The following SLC3A1 variants were observed in gnomAD, a reference collection of about 807,000 sequenced individuals.
The protein encoded by SLC3A1 is solute carrier family 3 member 1.
In SLC3A1, 78 loss-of-function variants were observed where a neutral mutation model predicts 60.3. The ratio of observed to expected loss-of-function variants is 1.29; its 90% CI spans 1.08 to 1.56. The LOEUF is 1.56. SLC3A1 is among the 40% of genes most tolerant of loss of function. The pLI is 0.00. For missense variants in SLC3A1, 1,172 were observed against 858.9 expected (o/e 1.36, Z -4.56); for synonymous variants, 392 against 307.9 (o/e 1.27, Z -2.86).
chr2:44,303,852 T>C lies in SLC3A1; in HGVS notation c.1137-291T>C, dbSNP rs562674352. On this transcript the variant is annotated intron_variant, in intron 6 of 9. Coordinates refer to ENST00000260649, the MANE Select transcript of SLC3A1 (RefSeq NM_000341.4). ...GGTGTTTGGTTTTCTGTCCTTGTGA[T>C]AGTTTGCTTAGAATGATGGTTTCCA... The C allele has an allele frequency of 1.8e-5, 10 of 557,054 alleles. 1 individual carries two copies. The highest frequency in any genetic ancestry group is 1.0e-4 in the South Asian group (5 of 48,116). 34.5% of individuals were successfully genotyped at this position (557,054 alleles called of 1,614,324 possible).
chr2:44,311,499 A>G (rs915029710), intron 7 of SLC3A1, among the ~76,000 whole-genome samples: 1 of 152,092 alleles, frequency 6.6e-6, no homozygotes, highest in Non-Finnish European at 1.5e-5. Context: ...TAGTATGACA[A>G]TTCTGGAAAT....
chr2:44,292,725 A>T (rs1215464068), intron 4 of SLC3A1, among the ~76,000 whole-genome samples: 2 of 152,092 alleles, frequency 1.3e-5, no homozygotes, highest in Non-Finnish European at 1.5e-5. Flanking sequence ...GGATCGTGAC[A>T]CATTAGAGGT....
rs1384314364 is a variant in SLC3A1 at position 44,305,433 on chromosome 2, T to C, written c.1332+1095T>C. Among the ~76,000 whole-genome samples the C allele has an allele frequency of 4.0e-5, 6 of 148,992 alleles. No homozygotes were observed. The East Asian group carries it at 1.2e-3, about 29-fold the overall frequency. Reference sequence around the variant, plus strand: ...GACAACCTTTCTTTTCTTACTTTTTTTTTTTTTTTTTTTGAGACGGAGCCT... The same window carrying C: ...GACAACCTTTCTTTTCTTACTTTTTCTTTTTTTTTTTTTGAGACGGAGCCT... On this transcript the variant is annotated intron_variant, in intron 7 of 9. Coordinates refer to ENST00000260649, the MANE Select transcript of SLC3A1 (RefSeq NM_000341.4).
chr2:44,322,393 T>C (rs1673063442), downstream of SLC3A1, among the ~76,000 whole-genome samples: 1 of 152,096 alleles, frequency 6.6e-6, no homozygotes, highest in African/African-American at 2.4e-5. Flanking sequence ...ATCTGTCTTT[T>C]AGAGATTCCC....
At chr2:44,289,055 GAGCTCCTGGTCTCA>G (rs1671679935) in intron 4 of SLC3A1, among the ~76,000 whole-genome samples, 11 of 151,766 alleles carry the variant, frequency 7.2e-5, no homozygotes, top group Admixed American at 7.2e-4. Flanking sequence ...GGCTGGTCTC[GAGCTCCTGGTCTCA>G]AGCAATCCTC....
chr2:44,317,816 G>A (rs7586188), intron 9 of SLC3A1: 97,829 of 158,434 alleles, frequency 0.62, 30,723 homozygotes, highest in Non-Finnish European at 0.67. Flanking sequence ...TAGGGCTTCC[G>A]AATTATGTCT....
chr2:44,312,275 G>T (rs969858177), intron 7 of SLC3A1, among the ~76,000 whole-genome samples: 1 of 152,124 alleles, frequency 6.6e-6, no homozygotes, highest in Admixed American at 6.6e-5. Flanking sequence ...CTCTGCCACA[G>T]TTTTGCTTCC....
At chr2:44,282,964 G>A (rs1361855753) in intron 3 of SLC3A1, among the ~76,000 whole-genome samples, 1 of 152,158 alleles carries the variant, frequency 6.6e-6, no homozygotes, top group East Asian at 1.9e-4. Context: ...GGCCACATGA[G>A]TAATACTTAT....
chr2:44,313,556 TATTG>T (rs1672350469), intron 8 of SLC3A1, among the ~76,000 whole-genome samples: 1 of 152,184 alleles, frequency 6.6e-6, no homozygotes, highest in Non-Finnish European at 1.5e-5. Flanking sequence ...AATCCTGTAT[TATTG>T]ATTTTTAGGA....
chr2:44,280,989 C>T (rs1304587699), intron 2 of SLC3A1, 94 bp downstream of exon 2: 1 of 1,095,262 alleles, frequency 9.1e-7, no homozygotes, highest in Non-Finnish European at 1.4e-6. Context: ...CCTTAACTGT[C>T]ATATACTATT....
chr2:44,286,102 T>G lies in SLC3A1; in HGVS notation c.836T>G (p.Met279Arg). The change falls in exon 4 of 10, where the codon ATG becomes AGG. Residue 279 changes from methionine to arginine, a missense_variant. Transcript: ENST00000260649. ...VRNQCYFHQF[M>R]KEQPDLNFRN... ...AACCAATGTTATTTTCATCAGTTTA[T>G]GAAAGAGCAACCTGATTTAAATTTC... The G allele has an allele frequency of 6.2e-7, 1 of 1,614,072 alleles. No individual in the cohort carries two copies. Among genetic ancestry groups the G allele is most frequent in the Non-Finnish European group, 8.5e-7 (1 of 1,179,916 alleles).
intron 7 of SLC3A1, among the ~76,000 whole-genome samples, chr2:44,308,382 C>T (rs910637492): frequency 2.0e-5 from 3 of 152,072 alleles, no homozygotes; most frequent in Non-Finnish European, 4.4e-5. Context: ...TTAGAATAGC[C>T]AACTGGGATT....
chr2:44,309,081 A>AT, intron 7 of SLC3A1, among the ~76,000 whole-genome samples: 1 of 152,352 alleles, frequency 6.6e-6, no homozygotes, highest in East Asian at 1.9e-4. Flanking sequence ...ACATAAAACA[A>AT]TTTTAAACAT....
chr2:44,282,210 A>G (rs1344983629), intron 3 of SLC3A1, among the ~76,000 whole-genome samples: 1 of 152,066 alleles, frequency 6.6e-6, no homozygotes, highest in Non-Finnish European at 1.5e-5. Flanking sequence ...TCTGTCTGAC[A>G]AAACCCTAGC....
At chr2:44,306,393 G>A (rs1672156566) in intron 7 of SLC3A1, among the ~76,000 whole-genome samples, 2 of 152,120 alleles carry the variant, frequency 1.3e-5, no homozygotes, top group Admixed American at 6.6e-5. Context: ...AGGCAGGAAT[G>A]TGTGTTTCCA....
intron 3 of SLC3A1, among the ~76,000 whole-genome samples, chr2:44,283,972 C>T (rs1382382011): frequency 1.3e-5 from 2 of 152,102 alleles, no homozygotes. Flanking sequence ...CCATGGTTTA[C>T]TTATCCACTC....
intron 4 of SLC3A1, among the ~76,000 whole-genome samples, chr2:44,297,449 A>G (rs1463520167): frequency 2.6e-5 from 4 of 152,104 alleles, no homozygotes; most frequent in African/African-American, 7.2e-5. Flanking sequence ...AAATCCCACC[A>G]GGTCATCTAG....
At chr2:44,310,742 T>G (rs1672274831) in intron 7 of SLC3A1, among the ~76,000 whole-genome samples, 1 of 152,096 alleles carries the variant, frequency 6.6e-6, no homozygotes, top group Non-Finnish European at 1.5e-5. Context: ...TCTCTCCTTT[T>G]GAGACTCCCA....
intron 8 of SLC3A1, among the ~76,000 whole-genome samples, chr2:44,313,464 C>G (rs1672348609): frequency 6.6e-6 from 1 of 152,184 alleles, no homozygotes; most frequent in Admixed American, 6.5e-5. Flanking sequence ...AATTCATACT[C>G]ACTTGTACAT....
Sources: allele counts gnomAD v4.1 joint callset (sites outside exome capture counted in the v4.1 genomes callset), GRCh38; gene constraint gnomAD v4.1.1; transcripts MANE v1.5; gene names NCBI Gene and HGNC (gene_info 2026-07-23, HGNC 2026-07-21).